Variants in SRGAP3 observed in about 807,000 individuals in gnomAD.
SRGAP3 encodes SLIT-ROBO Rho GTPase-activating protein 3.
In SRGAP3, 39 loss-of-function variants were observed where a neutral mutation model predicts 121.1. That is an observed-to-expected ratio of 0.32 (90% CI 0.25 to 0.42). The LOEUF is 0.42. SRGAP3 is among the 10% of genes least tolerant of loss of function. The pLI is 1.00. For missense variants in SRGAP3, 1,213 were observed against 1,470.6 expected, an observed-to-expected ratio of 0.82 and a Z score of 2.86; for synonymous variants, 601 against 570.0, an observed-to-expected ratio of 1.05 and a Z score of -0.77.
intron 21 of SRGAP3, among the ~76,000 whole-genome samples, chr3:8,989,143 GA>G (rs1365971391): frequency 6.6e-6 from 1 of 152,238 alleles, no homozygotes; most frequent in East Asian, 1.9e-4. Flanking sequence ...GCTACTTTTA[GA>G]AACAGTTTTC....
At chr3:9,277,683 G>C in intron 3 of SRGAP3, among the ~76,000 whole-genome samples, 1 of 151,734 alleles carries the variant, frequency 6.6e-6, no homozygotes, top group East Asian at 1.9e-4. Context: ...GAAAGGCCAA[G>C]GCAGGAGAAT....
At position 9,269,902 on chromosome 3, in the gene SRGAP3, AAAAG is replaced by A. The variant is rs547391555; in HGVS notation, n.442+56104_442+56107del. On this transcript the variant is annotated intron_variant and non_coding_transcript_variant, in intron 3 of 3. Coordinates refer to the SRGAP3 transcript ENST00000490889. ...AAGGGAGGGACAGAGGGAGGAAGGG[AAAAG>A]GAAGGAAGGAAGGAAGGAGGAAGGG... Among the ~76,000 whole-genome samples, 173 of 151,812 alleles carry A rather than the reference AAAAG, an allele frequency of 1.1e-3. 2 individuals carry two copies. Among genetic ancestry groups the A allele is most frequent in the African/African-American group, 3.5e-3 (144 of 41,190 alleles).
At chr3:9,269,654 A>G (rs1954435920) in intron 3 of SRGAP3, among the ~76,000 whole-genome samples, 1 of 152,124 alleles carries the variant, frequency 6.6e-6, no homozygotes, top group African/African-American at 2.4e-5. Flanking sequence ...GATGAGAGGG[A>G]GTAAGGAGGC....
At chr3:9,068,138 C>A (rs1389034968) in intron 4 of SRGAP3, among the ~76,000 whole-genome samples, 1 of 152,074 alleles carries the variant, frequency 6.6e-6, no homozygotes, top group Non-Finnish European at 1.5e-5. Flanking sequence ...ATGATTCCTG[C>A]TACATCTCCT....
chr3:9,062,731 T>A (rs566082871), intron 5 of SRGAP3, among the ~76,000 whole-genome samples: 1 of 152,350 alleles, frequency 6.6e-6, no homozygotes, highest in South Asian at 2.1e-4. Context: ...CTGAATAATA[T>A]TCCATCACAT....
intron 3 of SRGAP3, among the ~76,000 whole-genome samples, chr3:9,322,067 A>G (rs1368940109): frequency 6.6e-6 from 1 of 151,760 alleles, no homozygotes; most frequent in African/African-American, 2.4e-5. Flanking sequence ...GATCTTGGAG[A>G]TAAGATACCA....
intron 1 of SRGAP3, among the ~76,000 whole-genome samples, chr3:9,240,603 C>A (rs564713562): frequency 6.6e-6 from 1 of 152,156 alleles, no homozygotes; most frequent in Admixed American, 6.6e-5. Context: ...GTGGGCACTA[C>A]GCTACAGCAA....
intron 2 of SRGAP3, among the ~76,000 whole-genome samples, chr3:9,112,869 A>C (rs1029878720): frequency 1.3e-5 from 2 of 152,188 alleles, no homozygotes; most frequent in Non-Finnish European, 2.9e-5. Flanking sequence ...TCTGGTGCCC[A>C]GGCCAACCTG....
intron 9 of SRGAP3, among the ~76,000 whole-genome samples, chr3:9,050,470 A>G (rs906633530): frequency 1.2e-4 from 19 of 152,186 alleles, no homozygotes; most frequent in African/African-American, 4.1e-4. Flanking sequence ...AAGAACAACG[A>G]ATGTCCGCAA....
At chr3:9,276,015 C>T (rs564068677) in intron 3 of SRGAP3, among the ~76,000 whole-genome samples, 173 of 151,956 alleles carry the variant, frequency 1.1e-3, no homozygotes, top group Admixed American at 1.8e-3. Context: ...GCCTGGGCAA[C>T]ATAGCAAGAC....
intron 18 of SRGAP3, among the ~76,000 whole-genome samples, chr3:8,999,616 G>A (rs952030216): frequency 1.2e-4 from 18 of 152,164 alleles, no homozygotes; most frequent in East Asian, 5.8e-4. Flanking sequence ...CCAAGTCACT[G>A]TATCAAAGGC....
chr3:9,058,051 A>G (rs1012893635), intron 7 of SRGAP3, among the ~76,000 whole-genome samples, 200 bp downstream of exon 7: 4 of 152,174 alleles, frequency 2.6e-5, no homozygotes, highest in Non-Finnish European at 5.9e-5. Flanking sequence ...AGGTCCTGTA[A>G]TTCTGCACGG....
intron 1 of SRGAP3, among the ~76,000 whole-genome samples, chr3:9,221,289 G>A (rs748605076): frequency 1.3e-5 from 2 of 152,214 alleles, no homozygotes; most frequent in African/African-American, 2.4e-5. Context: ...CCAGCCCTTT[G>A]GGAGGCTGAG....
intron 10 of SRGAP3, among the ~76,000 whole-genome samples, chr3:9,041,835 T>C (rs1327346072): frequency 6.6e-6 from 1 of 152,188 alleles, no homozygotes; most frequent in African/African-American, 2.4e-5. Flanking sequence ...GAGTGGTGAC[T>C]CGTGCCCGTA....
chr3:9,198,620 C>A (rs1466147940), intron 1 of SRGAP3, among the ~76,000 whole-genome samples: 1 of 152,168 alleles, frequency 6.6e-6, no homozygotes, highest in Non-Finnish European at 1.5e-5. Context: ...CCTGAGCAAC[C>A]ACTGTTTAAT....
chr3:9,285,060 G>C (rs1026006543), intron 3 of SRGAP3, among the ~76,000 whole-genome samples: 2 of 152,198 alleles, frequency 1.3e-5, no homozygotes, highest in Admixed American at 6.5e-5. Context: ...AAAGTAATCA[G>C]TGAAAATCTA....
At chr3:9,245,907 C>A (rs1953804520) in intron 1 of SRGAP3, among the ~76,000 whole-genome samples, 1 of 152,012 alleles carries the variant, frequency 6.6e-6, no homozygotes, top group South Asian at 2.1e-4. Context: ...CTGGACGACA[C>A]AGAGAGACTC....
intron 1 of SRGAP3, among the ~76,000 whole-genome samples, chr3:9,202,867 A>C (rs990363912): frequency 6.6e-6 from 1 of 152,232 alleles, no homozygotes; most frequent in Non-Finnish European, 1.5e-5. Flanking sequence ...AACATGCTCT[A>C]GGCTGAAGTA....
intron 1 of SRGAP3, among the ~76,000 whole-genome samples, chr3:9,207,322 CA>C (rs1952299344): frequency 6.6e-6 from 1 of 152,102 alleles, no homozygotes; most frequent in African/African-American, 2.4e-5. Context: ...ACAGTGGCAA[CA>C]AAGAAAGAGA....
Sources: gnomAD v4.1 joint callset for allele counts (sites outside exome capture counted in the v4.1 genomes callset) on GRCh38, gnomAD v4.1.1 for gene constraint, MANE v1.5 for transcripts, NCBI Gene and HGNC (gene_info 2026-07-23, HGNC 2026-07-21) for gene names.